The following ZBTB46 variants were observed in gnomAD, a reference collection of about 807,000 sequenced individuals.
ZBTB46 encodes zinc finger and BTB domain containing 46.
ZBTB46 carries 8 observed loss-of-function variants against 44.1 expected under a neutral mutation model. The ratio of observed to expected loss-of-function variants is 0.18; its 90% CI spans 0.11 to 0.33. The LOEUF is 0.33. Ranked by LOEUF, ZBTB46 falls within the 10% of genes least tolerant of loss-of-function variation. ZBTB46 has a pLI of 1.00. For missense variants in ZBTB46, 651 were observed against 847.7 expected (o/e 0.77, Z 2.88); for synonymous variants, 409 against 382.3 (o/e 1.07, Z -0.81).
rs1389791967 is a variant in ZBTB46 at position 63,752,716 on chromosome 20, C to T, written c.1368G>A (p.Thr456=). Residue 456 remains threonine (T), a synonymous_variant, in exon 4 of 5, where the codon ACG becomes ACA. Transcript: ENST00000245663. This position sits in a 1 kb window ranked among gnomAD's most constrained non-coding sequence, Gnocchi z 5.6. ...YPCEICGKKF[T]RREHMKRHTL... is the part of the protein sequence containing the mutation. ...TGTGGCGCTTCATGTGCTCGCGCCG[C>T]GTGAACTTCTTCCCGCAGATCTCGC... 1.2e-6 allele frequency: 2 copies of T among 1,604,226 alleles called. No individual in the cohort carries two copies. The highest frequency in any genetic ancestry group is 2.2e-5 in the East Asian group (1 of 44,688).
In ZBTB46 at chr20:63,762,686, AAC is replaced by A. The variant is rs140306762; in HGVS notation, c.1223-9827_1223-9826del. The stretch of plus-strand genomic sequence containing the variant: ...CAAACAAACAAACAAACAAAAAAAA[AAC>A]CAACTGAGCTGTTAGGAGCAATATG... On this transcript the variant is annotated intron_variant, in intron 3 of 4. Coordinates refer to ENST00000245663, the MANE Select transcript of ZBTB46 (RefSeq NM_001369741.1). Among the ~76,000 whole-genome samples the A allele has an allele frequency of 6.5e-3, 926 of 143,526 alleles. 5 individuals are homozygous for A. Among genetic ancestry groups the A allele is most frequent in the Admixed American group, 0.011 (158 of 14,812 alleles). The allele number at this position is 143,526 out of a possible 152,430, so 94.2% of individuals were successfully genotyped here.
chr20:63,830,658 G>A (rs2092844998), intron 1 of ZBTB46, among the ~76,000 whole-genome samples: 1 of 149,090 alleles, frequency 6.7e-6, no homozygotes, highest in Admixed American at 6.6e-5. Flanking sequence ...AGACGCCCCC[G>A]GGCTGCCTCG....
At chr20:63,808,997 A>AT (rs1327323767) in intron 1 of ZBTB46, among the ~76,000 whole-genome samples, 73 of 145,206 alleles carry the variant, frequency 5.0e-4, no homozygotes, top group African/African-American at 1.8e-3. Context: ...AAAAAAAAAA[A>AT]AAGAAAAAGA....
intron 2 of ZBTB46, among the ~76,000 whole-genome samples, chr20:63,776,329 C>T (rs1002310620): frequency 1.3e-5 from 2 of 152,222 alleles, no homozygotes; most frequent in Non-Finnish European, 2.9e-5. Context: ...ATTTCCATCT[C>T]GCAAAGACGA....
At chr20:63,773,631 C>G (rs2092394944) in intron 3 of ZBTB46, among the ~76,000 whole-genome samples, 1 of 152,022 alleles carries the variant, frequency 6.6e-6, no homozygotes, top group Non-Finnish European at 1.5e-5. Flanking sequence ...GGATCCCCCT[C>G]CGACGGCACC....
chr20:63,779,544 T>C (rs12480840), intron 2 of ZBTB46, among the ~76,000 whole-genome samples: 82,549 of 150,754 alleles, frequency 0.55, 22,708 homozygotes, highest in South Asian at 0.66. Context: ...CTCAGCCTCC[T>C]GAGTAGCTGG....
intron 2 of ZBTB46, among the ~76,000 whole-genome samples, chr20:63,781,847 A>G (rs1362503415): frequency 1.3e-5 from 2 of 151,856 alleles, no homozygotes; most frequent in African/African-American, 4.8e-5. Flanking sequence ...GCACTTTAGG[A>G]GGCTGAGGTG....
chr20:63,814,248 A>G (rs1464950249), intron 1 of ZBTB46, among the ~76,000 whole-genome samples: 11 of 149,492 alleles, frequency 7.4e-5, no homozygotes, highest in Admixed American at 7.4e-4. Flanking sequence ...AAAAAAAAAA[A>G]GAAAAGAAAA....
rs1204561840 is a variant in ZBTB46, at chr20:63,790,153, T to G, written c.605A>C (p.Glu202Ala). The change falls in exon 2 of 5, where the codon GAG (glutamate) becomes GCG (alanine). Residue 202 changes from glutamate (E) to alanine (A), a missense_variant. Transcript: ENST00000245663. ...GGSSYGKEDQ[E>A]PKADGPDDVS... ...ATCATCAGGGCCATCGGCCTTGGGC[T>G]CCTGATCCTCTTTCCCGTAGCTGCT... The G allele has an allele frequency of 6.2e-7, 1 of 1,613,824 alleles. No individual in the cohort carries two copies. The highest frequency in any genetic ancestry group is 8.5e-7 in the Non-Finnish European group (1 of 1,180,022).
chr20:63,775,506 G>A, intron 3 of ZBTB46, 172 bp downstream of exon 3: 1 of 820,924 alleles, frequency 1.2e-6, no homozygotes, highest in Non-Finnish European at 1.8e-6. Flanking sequence ...GTGCACCTGA[G>A]AGGCCAGTCC....
rs2092330454 is a variant in ZBTB46 at position 63,767,511 on chromosome 20, T to G, written c.1222+8167A>C. On this transcript the variant is annotated intron_variant, in intron 3 of 4. Coordinates refer to ENST00000245663, the MANE Select transcript of ZBTB46 (RefSeq NM_001369741.1). The surrounding 1 kb of genome is among the most constrained non-coding windows in gnomAD (Gnocchi z 5.0). Reference sequence around the variant, plus strand: ...CCGACGCGGCTGTTCGGTCACCCAGTTCCCCTCCTGCTCCCACACACTTGA... The same window carrying G: ...CCGACGCGGCTGTTCGGTCACCCAGGTCCCCTCCTGCTCCCACACACTTGA... Among the ~76,000 whole-genome samples, 1 of 152,140 alleles carries G rather than the reference T, an allele frequency of 6.6e-6. No homozygotes were observed. The highest frequency in any genetic ancestry group is 2.4e-5 in the African/African-American group (1 of 41,430).
At chr20:63,777,403 G>A (rs1383852369) in intron 2 of ZBTB46, among the ~76,000 whole-genome samples, 1 of 152,178 alleles carries the variant, frequency 6.6e-6, no homozygotes, top group Non-Finnish European at 1.5e-5. Context: ...AGAGGTTGAG[G>A]CTGTGGTGAG....
At chr20:63,781,912 C>G (rs1440799942) in intron 2 of ZBTB46, among the ~76,000 whole-genome samples, 2 of 151,562 alleles carry the variant, frequency 1.3e-5, no homozygotes, top group African/African-American at 2.4e-5. Context: ...GGTGAAACCT[C>G]GTCTCTACTA....
At chr20:63,769,003 T>C (rs1422620358) in intron 3 of ZBTB46, among the ~76,000 whole-genome samples, 1 of 152,184 alleles carries the variant, frequency 6.6e-6, no homozygotes, top group Non-Finnish European at 1.5e-5. Context: ...CCTGTTGCTG[T>C]GGGAGTGGAA....
chr20:63,797,871 T>C (rs961819223), intron 1 of ZBTB46, among the ~76,000 whole-genome samples: 8 of 152,222 alleles, frequency 5.3e-5, no homozygotes, highest in Non-Finnish European at 1.0e-4. Flanking sequence ...TCTTGTAAAG[T>C]TGTTTAAGTT....
At chr20:63,829,621 C>A (rs2092837339) in intron 1 of ZBTB46, among the ~76,000 whole-genome samples, 1 of 152,218 alleles carries the variant, frequency 6.6e-6, no homozygotes, top group Non-Finnish European at 1.5e-5. Context: ...GCAGTGGTAA[C>A]CAGGCTGAGG....
At chr20:63,802,419 CA>C (rs1187645581) in intron 1 of ZBTB46, among the ~76,000 whole-genome samples, 4 of 144,764 alleles carry the variant, frequency 2.8e-5, no homozygotes, top group African/African-American at 5.1e-5. Context: ...GAGACCCTCT[CA>C]AAAAAAAAAC....
chr20:63,831,310 G>GCGCGCGCCCCGCC (rs1285271423), upstream of ZBTB46: 2 of 137,974 alleles, frequency 1.4e-5, no homozygotes, highest in African/African-American at 5.2e-5. Flanking sequence ...GCCCGCGCGC[G>GCGCGCGCCCCGCC]CGCGCCCCGC....
chr20:63,831,775 C>T (rs1266234252), upstream of ZBTB46, among the ~76,000 whole-genome samples: 7 of 151,260 alleles, frequency 4.6e-5, no homozygotes, highest in Non-Finnish European at 1.0e-4. Flanking sequence ...GCCCAGGTCA[C>T]CGGCCGTCCC....
Sources: gnomAD v4.1 joint callset for allele counts (sites outside exome capture counted in the v4.1 genomes callset) on GRCh38, gnomAD v4.1.1 for gene constraint, Gnocchi (gnomAD v3.1) non-coding constraint, MANE v1.5 for transcripts, NCBI Gene and HGNC (gene_info 2026-07-23, HGNC 2026-07-21) for gene names.